The following CENPK variants were observed in gnomAD, a reference collection of about 807,000 sequenced individuals.
CENPK encodes the protein SoxLZ/Sox6-binding protein Solt.
CENPK carries 46 observed loss-of-function variants against 40.9 expected under a neutral mutation model. The ratio of observed to expected loss-of-function variants is 1.13; its 90% CI spans 0.89 to 1.44. The LOEUF is 1.44. CENPK is among the 40% of genes most tolerant of loss of function. The probability of loss-of-function intolerance (pLI) is 0.00; values close to 1 mark genes in which losing one functional copy is unlikely to be tolerated. For missense variants in CENPK, 288 were observed against 303.5 expected, an observed-to-expected ratio of 0.95 and a Z score of 0.38; for synonymous variants, 107 against 104.4, an observed-to-expected ratio of 1.02 and a Z score of -0.15.
intron 6 of CENPK, among the ~76,000 whole-genome samples, chr5:65,540,160 T>A (rs1747710855): frequency 6.6e-6 from 1 of 152,216 alleles, no homozygotes. Context: ...TTTCAAACAT[T>A]TAAATTCAGC....
At chr5:65,549,686 T>G (rs1014657525) in intron 5 of CENPK, among the ~76,000 whole-genome samples, 1 of 152,228 alleles carries the variant, frequency 6.6e-6, no homozygotes, top group Admixed American at 6.5e-5. Flanking sequence ...AACCAACCTC[T>G]GCTAGCTTCA....
chr5:65,551,201 G>T, intron 5 of CENPK: 1 of 370,796 alleles, frequency 2.7e-6, no homozygotes, highest in South Asian at 1.9e-5. Flanking sequence ...AATGAGCCAT[G>T]ATTGTGCCAC....
intron 6 of CENPK, among the ~76,000 whole-genome samples, chr5:65,531,895 T>G (rs920762756): frequency 2.0e-5 from 3 of 152,132 alleles, no homozygotes; most frequent in African/African-American, 7.2e-5. Context: ...AAACCCACAG[T>G]AAGTTGAGGA....
intron 5 of CENPK, among the ~76,000 whole-genome samples, chr5:65,549,293 G>A (rs1032622872): frequency 6.6e-6 from 1 of 152,118 alleles, no homozygotes; most frequent in African/African-American, 2.4e-5. Flanking sequence ...CTGTCATCCA[G>A]GCTTTACTGT....
intron 6 of CENPK, among the ~76,000 whole-genome samples, chr5:65,537,437 T>TG (rs1482082581): frequency 2.0e-5 from 3 of 152,096 alleles, no homozygotes; most frequent in Non-Finnish European, 4.4e-5. Flanking sequence ...CCCAAGTAGG[T>TG]GGGACTACAG....
chr5:65,553,513 C>T (rs948822128), intron 3 of CENPK, among the ~76,000 whole-genome samples: 1 of 152,154 alleles, frequency 6.6e-6, no homozygotes, highest in African/African-American at 2.4e-5. Context: ...TTCTATCTCA[C>T]CAACTTAGAA....
At chr5:65,520,266 CCTT>C (rs144167926) in intron 10 of CENPK, among the ~76,000 whole-genome samples, 2,059 of 152,242 alleles carry the variant, frequency 0.014, 51 homozygotes, top group African/African-American at 0.047. Flanking sequence ...TGCTGCTTCA[CCTT>C]CTGCTATGAG....
At position 65,543,425 on chromosome 5, in the gene CENPK, A is replaced by T. The variant is rs1295964627; in HGVS notation, c.242-577T>A. 2.0e-5 allele frequency among the ~76,000 whole-genome samples: 3 copies of T among 152,198 alleles called. No individual in the cohort carries two copies. In the East Asian group the frequency reaches 5.8e-4, roughly 29 times the overall value. On this transcript the variant is annotated intron_variant, in intron 5 of 10. Coordinates refer to ENST00000396679, the MANE Select transcript of CENPK (RefSeq NM_022145.5). ...TGTGTTCCTCAAATACTTTCCCTGT[A>T]GTCATATATCCTATGTACACATATG... is the stretch of plus-strand genomic sequence containing the variant.
chr5:65,511,533 G>A, the CENPK span, among the ~76,000 whole-genome samples: 1 of 152,092 alleles, frequency 6.6e-6, no homozygotes, highest in South Asian at 2.1e-4. Context: ...AGCAATCCTA[G>A]GGCCCTTAAG....
At chr5:65,522,494 TCATAGCC>T (rs1294229555) in intron 9 of CENPK, among the ~76,000 whole-genome samples, 1 of 152,180 alleles carries the variant, frequency 6.6e-6, no homozygotes, top group Non-Finnish European at 1.5e-5. Context: ...AGTGGTGCCA[TCATAGCC>T]CACTGCAGCC....
At chr5:65,546,235 C>T (rs1021797893) in intron 5 of CENPK, among the ~76,000 whole-genome samples, 3 of 151,498 alleles carry the variant, frequency 2.0e-5, no homozygotes, top group East Asian at 2.0e-4. Context: ...CCTGCCCCCC[C>T]GCTCAGGTGA....
At chr5:65,558,165 CA>C (rs1751307828) in intron 2 of CENPK, among the ~76,000 whole-genome samples, 1 of 151,752 alleles carries the variant, frequency 6.6e-6, no homozygotes, top group African/African-American at 2.4e-5. Context: ...CACACACACA[CA>C]TTTTTTTTTC....
In CENPK at chr5:65,548,259, G is replaced by A. The variant is rs187058830; in HGVS notation, c.241+3305C>T. On this transcript the variant is annotated intron_variant, in intron 5 of 10. Transcript: ENST00000396679. ...TAAAAGTTGTTTACATTATACTGTA[G>A]TCTATTAAATTATGTATTAGCATTA... 1.6e-4 allele frequency among the ~76,000 whole-genome samples: 25 copies of A among 152,208 alleles called. No homozygotes were observed. The East Asian group carries it at 4.2e-3, about 26-fold the overall frequency.
At chr5:65,499,681 A>C in the CENPK span, among the ~76,000 whole-genome samples, 2 of 48,672 alleles carry the variant, frequency 4.1e-5, no homozygotes, top group Admixed American at 3.6e-4. Flanking sequence ...TTTTTTTTTT[A>C]TTATACTCTA....
At chr5:65,557,222 G>A (rs1430078941) in intron 2 of CENPK, among the ~76,000 whole-genome samples, 6 of 152,190 alleles carry the variant, frequency 3.9e-5, no homozygotes, top group Non-Finnish European at 8.8e-5. Context: ...ACTGGAGACA[G>A]GTCAAGTAAA....
At chr5:65,554,142 A>ATT (rs34320009) in intron 3 of CENPK, among the ~76,000 whole-genome samples, 14 of 143,860 alleles carry the variant, frequency 9.7e-5, no homozygotes, top group South Asian at 2.2e-4. Context: ...ACCAGTAATT[A>ATT]TTTTTTTTTT....
intron 6 of CENPK, among the ~76,000 whole-genome samples, chr5:65,539,081 A>G (rs180702473): frequency 2.6e-5 from 4 of 152,276 alleles, no homozygotes; most frequent in Admixed American, 2.6e-4. Flanking sequence ...CTTCTCTTCT[A>G]TATTTTAACC....
chr5:65,558,676 G>T (rs1751396546), intron 2 of CENPK, among the ~76,000 whole-genome samples: 2 of 152,212 alleles, frequency 1.3e-5, no homozygotes, highest in Non-Finnish European at 2.9e-5. Flanking sequence ...TTAGTATCAT[G>T]AGTTTAAAGT....
chr5:65,523,559 G>A (rs574781292), intron 9 of CENPK, among the ~76,000 whole-genome samples: 1 of 152,270 alleles, frequency 6.6e-6, no homozygotes, highest in South Asian at 2.1e-4. Flanking sequence ...AAAGGAAAAA[G>A]AGTGGTATAA....
Sources: gnomAD v4.1 joint callset for allele counts (sites outside exome capture counted in the v4.1 genomes callset) on GRCh38, gnomAD v4.1.1 for gene constraint, MANE v1.5 for transcripts, NCBI Gene and HGNC (gene_info 2026-07-23, HGNC 2026-07-21) for gene names.